Variants in ADARB2 observed in about 807,000 individuals in gnomAD.
ADARB2 encodes inactive double-stranded RNA-specific editase B2.
Under a neutral mutation model 62.2 loss-of-function variants are expected in ADARB2, and 25 were observed. The observed-to-expected ratio is 0.40, with a 90% CI of 0.29 to 0.56. The LOEUF is 0.56. ADARB2 is among the 20% of genes least tolerant of loss of function. ADARB2 has a pLI of 0.43. For synonymous variants in ADARB2, 572 were observed against 500.8 expected (o/e 1.14, Z -1.90); for missense variants, 1,071 against 1,077.4 (o/e 0.99, Z 0.08).
intron 2 of ADARB2, among the ~76,000 whole-genome samples, chr10:1,367,426 A>C (rs1832323107): frequency 6.6e-6 from 1 of 152,166 alleles, no homozygotes; most frequent in Non-Finnish European, 1.5e-5. Flanking sequence ...TGGATCTGAG[A>C]GCTTGATTAG....
At chr10:1,189,068 C>T (rs1038163431) in intron 8 of ADARB2, among the ~76,000 whole-genome samples, 2 of 150,926 alleles carry the variant, frequency 1.3e-5, no homozygotes, top group Admixed American at 6.6e-5. Context: ...TCCATTTCCC[C>T]GCAGCCTGAG....
chr10:1,208,813 C>T (rs940295460), intron 7 of ADARB2, among the ~76,000 whole-genome samples: 1 of 152,218 alleles, frequency 6.6e-6, no homozygotes, highest in Non-Finnish European at 1.5e-5. Flanking sequence ...CTGGGAGGGC[C>T]TGATTTGTCG....
At chr10:1,342,485 A>G (rs1832039612) in intron 3 of ADARB2, among the ~76,000 whole-genome samples, 1 of 152,182 alleles carries the variant, frequency 6.6e-6, no homozygotes, top group Non-Finnish European at 1.5e-5. Flanking sequence ...GGCCATTCCT[A>G]GGGAGAAGGA....
intron 2 of ADARB2, among the ~76,000 whole-genome samples, chr10:1,375,014 A>AAGGCAGAGGGT (rs1291861118): frequency 1.8e-4 from 27 of 152,210 alleles, no homozygotes; most frequent in African/African-American, 6.3e-4. Context: ...TGGAGTGGAC[A>AAGGCAGAGGGT]CTGGCAGGCT....
At chr10:1,321,449 T>C (rs1831794261) in intron 3 of ADARB2, among the ~76,000 whole-genome samples, 1 of 152,154 alleles carries the variant, frequency 6.6e-6, no homozygotes, top group South Asian at 2.1e-4. Context: ...GACACGATCC[T>C]AGCTCACAGC....
intron 1 of ADARB2, among the ~76,000 whole-genome samples, chr10:1,462,817 G>A (rs765935919): frequency 6.6e-6 from 1 of 151,966 alleles, no homozygotes; most frequent in Admixed American, 6.6e-5. Flanking sequence ...GTGTGTGTCT[G>A]TGTGTAGTGT....
At chr10:1,550,361 C>T (rs763274058) in intron 1 of ADARB2, among the ~76,000 whole-genome samples, 9 of 152,228 alleles carry the variant, frequency 5.9e-5, no homozygotes, top group Non-Finnish European at 1.0e-4. Flanking sequence ...CCTGACACGG[C>T]GAACAGCAGC....
intron 1 of ADARB2, among the ~76,000 whole-genome samples, chr10:1,720,381 C>T (rs968568935): frequency 5.9e-5 from 9 of 152,050 alleles, no homozygotes; most frequent in South Asian, 2.1e-4. Context: ...TAGAAGGGTC[C>T]GGAGAAGAAC....
intron 1 of ADARB2, among the ~76,000 whole-genome samples, chr10:1,589,107 A>G (rs749125199): frequency 8.5e-5 from 13 of 152,364 alleles, no homozygotes; most frequent in Non-Finnish European, 1.8e-4. Flanking sequence ...GCATGGCTCC[A>G]TCAGTCCACT....
intron 3 of ADARB2, among the ~76,000 whole-genome samples, chr10:1,284,796 C>T (rs1414902654): frequency 1.3e-5 from 2 of 152,118 alleles, no homozygotes; most frequent in Non-Finnish European, 2.9e-5. Flanking sequence ...CACTGTAAAT[C>T]CTCGAGATAT....
rs58285808 is a variant in ADARB2, at chr10:1,205,840, C to T, written c.1683-5693G>A. Among the ~76,000 whole-genome samples, 1,008 of 152,318 alleles carry T rather than the reference C, an allele frequency of 6.6e-3. 6 individuals carry two copies. Among genetic ancestry groups the T allele is most frequent in the African/African-American group, 0.023 (951 of 41,570 alleles). On this transcript the variant is annotated intron_variant, in intron 7 of 9. Transcript: ENST00000381312. ...CCATCCTGACTGCTGACGTTTGGGA[C>T]GTGAGACATCTGGGGGCATGGGGCA...
intron 1 of ADARB2, among the ~76,000 whole-genome samples, chr10:1,681,456 G>C (rs1431230057): frequency 6.6e-6 from 1 of 151,546 alleles, no homozygotes; most frequent in Non-Finnish European, 1.5e-5. Flanking sequence ...AGAACTTAAA[G>C]AGGCAAACTA....
At chr10:1,661,551 C>G (rs1034050589) in intron 1 of ADARB2, among the ~76,000 whole-genome samples, 2 of 152,166 alleles carry the variant, frequency 1.3e-5, no homozygotes, top group Admixed American at 1.3e-4. Flanking sequence ...AGGGCCCCGG[C>G]AAGCACCTAG....
At chr10:1,685,583 T>A (rs1405660243) in intron 1 of ADARB2, among the ~76,000 whole-genome samples, 1 of 152,252 alleles carries the variant, frequency 6.6e-6, no homozygotes, top group Non-Finnish European at 1.5e-5. Context: ...TAAAATGGAA[T>A]GTAAGAAATA....
intron 1 of ADARB2, among the ~76,000 whole-genome samples, chr10:1,716,183 A>T (rs182711024): frequency 7.2e-5 from 11 of 152,146 alleles, no homozygotes; most frequent in Non-Finnish European, 1.5e-4. Context: ...CTCCCTGTAC[A>T]TTCCATCACG....
At chr10:1,638,955 C>A (rs1489655111) in intron 1 of ADARB2, among the ~76,000 whole-genome samples, 1 of 152,222 alleles carries the variant, frequency 6.6e-6, no homozygotes, top group Non-Finnish European at 1.5e-5. Flanking sequence ...GCCTTGCCTG[C>A]ACTCACACGG....
chr10:1,204,896 C>G (rs1221683925), intron 7 of ADARB2, among the ~76,000 whole-genome samples: 1 of 152,230 alleles, frequency 6.6e-6, no homozygotes, highest in African/African-American at 2.4e-5. Context: ...AAGGTGGAAA[C>G]AAACCAGCTA....
chr10:1,609,876 GGCAGGT>G (rs1833545886), intron 1 of ADARB2, among the ~76,000 whole-genome samples: 1 of 152,216 alleles, frequency 6.6e-6, no homozygotes, highest in South Asian at 2.1e-4. Flanking sequence ...AGCATCGGAG[GGCAGGT>G]GATGAATAGC....
intron 1 of ADARB2, among the ~76,000 whole-genome samples, chr10:1,424,479 G>A (rs369414976): frequency 2.0e-5 from 3 of 152,040 alleles, no homozygotes; most frequent in Non-Finnish European, 2.9e-5. Context: ...GGATTCTCGC[G>A]GATATTTACA....
Sources: allele counts gnomAD v4.1 joint callset (sites outside exome capture counted in the v4.1 genomes callset), GRCh38; gene constraint gnomAD v4.1.1; transcripts MANE v1.5; gene names NCBI Gene and HGNC (gene_info 2026-07-23, HGNC 2026-07-21).